Variants in RUBCNL observed in about 807,000 individuals in gnomAD.
RUBCNL encodes the protein rubicon like autophagy enhancer.
In RUBCNL, 62 loss-of-function variants were observed where a neutral mutation model predicts 69.5. The ratio of observed to expected loss-of-function variants is 0.89; its 90% CI spans 0.73 to 1.10. The LOEUF is 1.10. Among genes scored for constraint, RUBCNL ranks in the 50% least tolerant of loss-of-function variants. The probability of loss-of-function intolerance (pLI) is 0.00; values close to 1 mark genes in which losing one functional copy is unlikely to be tolerated. For synonymous variants in RUBCNL, 291 were observed against 303.6 expected, an observed-to-expected ratio of 0.96 and a Z score of 0.43; for missense variants, 768 against 798.1, an observed-to-expected ratio of 0.96 and a Z score of 0.45.
At chr13:46,365,124 G>A (rs2048721107) in intron 5 of RUBCNL, among the ~76,000 whole-genome samples, 1 of 151,904 alleles carries the variant, frequency 6.6e-6, no homozygotes, top group African/African-American at 2.4e-5. Context: ...CCAACATGGT[G>A]AAAGCTCGTC....
intron 5 of RUBCNL, among the ~76,000 whole-genome samples, chr13:46,364,475 G>A (rs575204659): frequency 1.8e-4 from 28 of 152,212 alleles, no homozygotes; most frequent in African/African-American, 6.3e-4. Flanking sequence ...GCTGGGTGAC[G>A]ATGGACAACC....
chr13:46,387,297 G>A (rs909515513), upstream of RUBCNL: 2 of 985,330 alleles, frequency 2.0e-6, no homozygotes, highest in Non-Finnish European at 2.4e-6. Context: ...CCCCGACGCC[G>A]CCACGCCCCC....
chr13:46,364,699 G>T (rs200947534), intron 5 of RUBCNL, among the ~76,000 whole-genome samples: 7 of 136,484 alleles, frequency 5.1e-5, no homozygotes, highest in East Asian at 4.1e-4. Context: ...TTCTACCCTT[G>T]TTTTTTTTTT....
In RUBCNL at chr13:46,384,159, A is replaced by G. The variant is rs1594189862; in HGVS notation, c.-239+2975T>C. The stretch of plus-strand genomic sequence containing the variant: ...TATAAGTCATGGGACGAATAAAATG[A>G]TTTAACAATTGAGCCATATTTTTAA... On this transcript the variant is annotated intron_variant, in intron 1 of 14. Coordinates refer to ENST00000429979, the MANE Select transcript of RUBCNL (RefSeq NM_025113.5). 2.6e-5 allele frequency among the ~76,000 whole-genome samples: 4 copies of G among 152,256 alleles called. No homozygotes were observed. In the East Asian group the frequency reaches 5.8e-4, roughly 22 times the overall value.
At chr13:46,362,923 C>CATATATATATACATATATATAT (rs2048648703) in intron 6 of RUBCNL, among the ~76,000 whole-genome samples, 192 bp downstream of exon 6, 1 of 88,038 alleles carries the variant, frequency 1.1e-5, no homozygotes, top group Admixed American at 1.3e-4. Flanking sequence ...ACAAGAACAT[C>CATATATATATACATATATATAT]ATATATATAT....
chr13:46,345,488 C>A lies in RUBCNL; in HGVS notation c.1744G>T (p.Asp582Tyr). 6.3e-7 allele frequency: 1 copy of A among 1,590,738 alleles called. No homozygotes were observed. The highest frequency in any genetic ancestry group is 8.6e-7 in the Non-Finnish European group (1 of 1,168,604). Residue 582 changes from aspartate to tyrosine, a missense_variant, in exon 13 of 15, where the codon GAC becomes TAC. Physicochemically the swap from Asp to Tyr is radical, Grantham distance 160. Transcript: ENST00000429979. ...TGTGCAAGGGAAGCTTTCAGAATGT[C>A]CTTGAGTAAGGGTGCCAGCAGCCCT... ...KKGLLAPLLK[D>Y]ILKASLAHVA... is the part of the protein sequence containing the mutation.
At chr13:46,355,252 C>G (rs2048459140) in intron 10 of RUBCNL, among the ~76,000 whole-genome samples, 2 of 151,488 alleles carry the variant, frequency 1.3e-5, no homozygotes, top group African/African-American at 4.9e-5. Flanking sequence ...GATTCCCAGT[C>G]TCAAGGGGGA....
At chr13:46,370,098 C>T (rs1001105564) in intron 3 of RUBCNL, among the ~76,000 whole-genome samples, 7 of 152,182 alleles carry the variant, frequency 4.6e-5, no homozygotes, top group Admixed American at 2.0e-4. Flanking sequence ...TCATAGTTTG[C>T]AGACTCTGAG....
chr13:46,387,311 C>T (rs773244664), upstream of RUBCNL: 91 of 985,536 alleles, frequency 9.2e-5, no homozygotes, highest in Non-Finnish European at 1.1e-4. Context: ...CGCCCCCCGC[C>T]TCCCACACGG....
chr13:46,351,476 C>T (rs1287816495), intron 10 of RUBCNL, among the ~76,000 whole-genome samples: 1 of 152,142 alleles, frequency 6.6e-6, no homozygotes, highest in African/African-American at 2.4e-5. Flanking sequence ...AGTAATCCTG[C>T]TTCTGTTACT....
chr13:46,368,281 C>A, intron 4 of RUBCNL, 32 bp from the exon 5 acceptor site: 1 of 1,584,488 alleles, frequency 6.3e-7, no homozygotes, highest in Non-Finnish European at 8.6e-7. Flanking sequence ...AAAATACAAG[C>A]ATAATCAACT....
chr13:46,352,552 C>T (rs558455933), intron 10 of RUBCNL, among the ~76,000 whole-genome samples: 21 of 150,892 alleles, frequency 1.4e-4, no homozygotes, highest in African/African-American at 2.2e-4. Context: ...CACCTGTAAT[C>T]GCAGCACTTT....
chr13:46,357,595 GT>G (rs2138728695), intron 9 of RUBCNL, among the ~76,000 whole-genome samples: 1 of 151,834 alleles, frequency 6.6e-6, no homozygotes, highest in Admixed American at 6.6e-5. Flanking sequence ...ATCATTTCTG[GT>G]AAGAGATATT....
At chr13:46,374,926 C>G (rs1378394947) in intron 2 of RUBCNL, among the ~76,000 whole-genome samples, 1 of 152,190 alleles carries the variant, frequency 6.6e-6, no homozygotes, top group Non-Finnish European at 1.5e-5. Flanking sequence ...GTCATAAATG[C>G]CTTGATTTAT....
At chr13:46,344,963 T>TG in intron 13 of RUBCNL, 132 bp from the exon 14 acceptor site, 4 of 638,298 alleles carry the variant, frequency 6.3e-6, no homozygotes, top group African/African-American at 1.8e-5. Context: ...AAGGATGTTG[T>TG]TTTGCAGCAA....
rs1025182533 is a variant in RUBCNL at position 46,341,710 on chromosome 13, G to A, written c.*1675C>T. ...TGCCCAATGCCACTTCTGCAAGTTG[G>A]AGCAACACTTACCAGTTAAGGTTGT... On this transcript the variant is annotated 3_prime_UTR_variant, in exon 15 of 15. Transcript: ENST00000429979. Among the ~76,000 whole-genome samples, 2 of 152,206 alleles carry A rather than the reference G, an allele frequency of 1.3e-5. No individual in the cohort carries two copies. The highest frequency in any genetic ancestry group is 2.9e-5 in the Non-Finnish European group (2 of 68,038).
At chr13:46,367,980 A>C (rs1428442629) in intron 5 of RUBCNL, 62 bp downstream of exon 5, 29 of 1,480,746 alleles carry the variant, frequency 2.0e-5, no homozygotes, top group Non-Finnish European at 2.7e-5. Flanking sequence ...ATAAGGGGTA[A>C]TTATAGAGGA....
At chr13:46,379,204 G>A (rs1436232521) in intron 1 of RUBCNL, among the ~76,000 whole-genome samples, 1 of 152,084 alleles carries the variant, frequency 6.6e-6, no homozygotes, top group Non-Finnish European at 1.5e-5. Context: ...AGTCTCCCAA[G>A]TAGCTGGGAT....
Position 46,373,121 on chromosome 13 carries a change from G to A in RUBCNL, c.-122-524C>T, listed in dbSNP as rs779020368. Among the ~76,000 whole-genome samples, 25 of 152,084 alleles carry A rather than the reference G, an allele frequency of 1.6e-4. 1 individual carries two copies. The highest frequency in any genetic ancestry group is 4.8e-4 in the African/African-American group (20 of 41,516). On this transcript the variant is annotated intron_variant, in intron 2 of 14. Transcript: ENST00000429979. ...CCCGAGCAGCTGGGATTACAGGCAC[G>A]TGCCACCACGCCTGGCTGATTTCTG...
Sources: gnomAD v4.1 joint callset for allele counts (sites outside exome capture counted in the v4.1 genomes callset) on GRCh38, gnomAD v4.1.1 for gene constraint, MANE v1.5 for transcripts, NCBI Gene and HGNC (gene_info 2026-07-23, HGNC 2026-07-21) for gene names.